Variants in ARHGAP15 observed in about 807,000 individuals in gnomAD.
ARHGAP15 encodes the protein Rho GTPase activating protein 15.
Under a neutral mutation model 63.7 loss-of-function variants are expected in ARHGAP15, and 51 were observed. The observed-to-expected ratio is 0.80, with a 90% CI of 0.64 to 1.01. The LOEUF is 1.01. Ranked by LOEUF, ARHGAP15 falls within the 50% of genes least tolerant of loss-of-function variation. ARHGAP15 has a pLI of 0.00. For missense variants in ARHGAP15, 560 were observed against 564.6 expected, an observed-to-expected ratio of 0.99 and a Z score of 0.08; for synonymous variants, 191 against 193.8, an observed-to-expected ratio of 0.99 and a Z score of 0.12.
intron 12 of ARHGAP15, among the ~76,000 whole-genome samples, chr2:143,628,536 C>T (rs1365780236): frequency 6.6e-6 from 1 of 152,212 alleles, no homozygotes; most frequent in Non-Finnish European, 1.5e-5. Context: ...TGCCACCCAT[C>T]TGCCTCAGGT....
chr2:143,490,434 TA>T (rs1222532984), intron 9 of ARHGAP15, among the ~76,000 whole-genome samples: 1 of 152,190 alleles, frequency 6.6e-6, no homozygotes, highest in East Asian at 1.9e-4. Flanking sequence ...ATTGACCCTA[TA>T]ACGCCCATCA....
At chr2:143,478,162 T>C (rs1691909888) in intron 8 of ARHGAP15, among the ~76,000 whole-genome samples, 1 of 152,162 alleles carries the variant, frequency 6.6e-6, no homozygotes, top group Admixed American at 6.5e-5. Flanking sequence ...TATGCATCCT[T>C]GCAGCAGAAC....
chr2:143,233,018 T>G (rs1693508059), intron 5 of ARHGAP15, among the ~76,000 whole-genome samples: 1 of 152,190 alleles, frequency 6.6e-6, no homozygotes, highest in African/African-American at 2.4e-5. Flanking sequence ...GTGAGACCCT[T>G]TACCTTCTAC....
At chr2:143,301,264 A>G (rs1331703390) in intron 6 of ARHGAP15, among the ~76,000 whole-genome samples, 5 of 152,010 alleles carry the variant, frequency 3.3e-5, no homozygotes, top group African/African-American at 1.2e-4. Context: ...ATGTCTCTAC[A>G]CTAATAATGT....
intron 10 of ARHGAP15, among the ~76,000 whole-genome samples, chr2:143,534,223 T>A (rs1694647379): frequency 6.6e-6 from 1 of 152,216 alleles, no homozygotes; most frequent in South Asian, 2.1e-4. Context: ...TCACTGGCAC[T>A]TCTTTCTTCC....
At chr2:143,542,862 CATAT>C (rs1163687475) in intron 10 of ARHGAP15, among the ~76,000 whole-genome samples, 1 of 139,690 alleles carries the variant, frequency 7.2e-6, no homozygotes, top group Non-Finnish European at 1.5e-5. Flanking sequence ...TATAATATCA[CATAT>C]ATAGTATATA....
chr2:143,341,041 TC>T (rs1264047764), intron 6 of ARHGAP15, among the ~76,000 whole-genome samples: 1 of 152,094 alleles, frequency 6.6e-6, no homozygotes, highest in African/African-American at 2.4e-5. Context: ...CTTAGTTTTG[TC>T]CATTGATGAT....
At chr2:143,644,372 TAG>T (rs778006068) in intron 12 of ARHGAP15, among the ~76,000 whole-genome samples, 5 of 152,114 alleles carry the variant, frequency 3.3e-5, no homozygotes, top group South Asian at 4.2e-4. Context: ...GACAGAAAGT[TAG>T]AGAGTGACAT....
chr2:143,643,432 C>G (rs1680708647), intron 12 of ARHGAP15, among the ~76,000 whole-genome samples: 1 of 147,296 alleles, frequency 6.8e-6, no homozygotes, highest in Admixed American at 6.9e-5. Context: ...CACCCACCCC[C>G]CCCCACCAAA....
chr2:143,724,535 T>C (rs1054488081), intron 13 of ARHGAP15, among the ~76,000 whole-genome samples: 5 of 152,242 alleles, frequency 3.3e-5, no homozygotes, highest in African/African-American at 1.2e-4. Flanking sequence ...GGAATCATTT[T>C]TTCCTGGACC....
At chr2:143,558,297 C>T (rs1695891765) in intron 11 of ARHGAP15, among the ~76,000 whole-genome samples, 1 of 152,082 alleles carries the variant, frequency 6.6e-6, no homozygotes, top group Non-Finnish European at 1.5e-5. Context: ...CTTCCCATCC[C>T]ACATACACAA....
At chr2:143,346,826 T>C (rs1685322947) in intron 6 of ARHGAP15, among the ~76,000 whole-genome samples, 1 of 151,962 alleles carries the variant, frequency 6.6e-6, no homozygotes, top group African/African-American at 2.4e-5. Context: ...AAGAGATAAA[T>C]TAAATGGGTA....
intron 11 of ARHGAP15, 140 bp downstream of exon 11, chr2:143,556,625 G>A: frequency 1.7e-6 from 1 of 593,450 alleles, no homozygotes; most frequent in South Asian, 3.4e-5. Flanking sequence ...AAAATTATCA[G>A]AAAAGTAAAA....
At chr2:143,692,171 TAGGC>T (rs777876723) in intron 12 of ARHGAP15, among the ~76,000 whole-genome samples, 3 of 152,002 alleles carry the variant, frequency 2.0e-5, no homozygotes, top group Non-Finnish European at 4.4e-5. Flanking sequence ...CTTTCTGTAA[TAGGC>T]AGGGGCAACA....
intron 13 of ARHGAP15, among the ~76,000 whole-genome samples, chr2:143,717,490 G>A (rs974579437): frequency 3.9e-5 from 6 of 152,022 alleles, no homozygotes; most frequent in African/African-American, 7.3e-5. Flanking sequence ...CCAGACCTCC[G>A]TCTTTTGAAC....
intron 6 of ARHGAP15, among the ~76,000 whole-genome samples, chr2:143,409,565 AC>A (rs932377191): frequency 1.3e-5 from 2 of 151,982 alleles, no homozygotes; most frequent in Non-Finnish European, 2.9e-5. Context: ...TCACCTATAT[AC>A]CCCCAGTACA....
chr2:143,364,186 A>C lies in ARHGAP15; in HGVS notation c.475-71415A>C, dbSNP rs142907457. 5.4e-3 allele frequency among the ~76,000 whole-genome samples: 803 copies of C among 149,364 alleles called. 8 individuals carry two copies. The highest frequency in any genetic ancestry group is 0.018 in the African/African-American group (746 of 41,072). On this transcript the variant is annotated intron_variant, in intron 6 of 13. Coordinates refer to ENST00000295095, the MANE Select transcript of ARHGAP15 (RefSeq NM_018460.4). ...AAATCAGAGAGGAAACAGTAGCAAA[A>C]AAACAAACAACAACAACAAAAAAAA...
intron 2 of ARHGAP15, among the ~76,000 whole-genome samples, chr2:143,186,459 G>C (rs1191229887): frequency 3.9e-5 from 6 of 152,006 alleles, no homozygotes; most frequent in Non-Finnish European, 7.4e-5. Context: ...AAAATCATTG[G>C]TTCCTAGGTA....
chr2:143,130,883 A>C (rs1236814521), intron 1 of ARHGAP15, among the ~76,000 whole-genome samples: 2 of 152,144 alleles, frequency 1.3e-5, no homozygotes, highest in Non-Finnish European at 2.9e-5. Flanking sequence ...GAACCTCTGC[A>C]TCTATAGAAG....
Sources: gnomAD v4.1 joint callset for allele counts (sites outside exome capture counted in the v4.1 genomes callset) on GRCh38, gnomAD v4.1.1 for gene constraint, MANE v1.5 for transcripts, NCBI Gene and HGNC (gene_info 2026-07-23, HGNC 2026-07-21) for gene names.